Variants in MYRFL observed in about 807,000 individuals in gnomAD.
MYRFL encodes the protein myelin regulatory factor like.
Under a neutral mutation model 109.4 loss-of-function variants are expected in MYRFL, and 88 were observed. That is an observed-to-expected ratio of 0.80 (90% CI 0.68 to 0.96). MYRFL has a LOEUF of 0.96. Ranked by LOEUF, MYRFL falls within the 40% of genes least tolerant of loss-of-function variation. The probability of loss-of-function intolerance (pLI) is 0.00; values close to 1 mark genes in which losing one functional copy is unlikely to be tolerated. For synonymous variants in MYRFL, 324 were observed against 320.9 expected (o/e 1.01, Z -0.10); for missense variants, 957 against 954.9 (o/e 1.00, Z -0.03).
intron 1 of MYRFL, among the ~76,000 whole-genome samples, chr12:69,838,712 A>C (rs1883085336): frequency 6.6e-6 from 1 of 152,246 alleles, no homozygotes; most frequent in Non-Finnish European, 1.5e-5. Flanking sequence ...AAGAAGGCTT[A>C]GCTGTAAAGT....
chr12:69,847,073 A>G (rs1460095050), intron 1 of MYRFL, among the ~76,000 whole-genome samples: 1 of 151,932 alleles, frequency 6.6e-6, no homozygotes, highest in African/African-American at 2.4e-5. Context: ...AATTTGTTTG[A>G]GTTCATAACT....
chr12:69,847,181 G>A (rs1394144430), intron 1 of MYRFL, among the ~76,000 whole-genome samples: 3 of 152,172 alleles, frequency 2.0e-5, no homozygotes, highest in Non-Finnish European at 2.9e-5. Context: ...GGCTTAGTCA[G>A]AGGGCTCTGA....
chr12:69,845,305 G>A (rs754226882), intron 1 of MYRFL, among the ~76,000 whole-genome samples: 21 of 152,124 alleles, frequency 1.4e-4, no homozygotes, highest in Admixed American at 9.2e-4. Context: ...CCAGAACTTT[G>A]TGCAATGCTT....
At chr12:69,827,093 C>T (rs1204213130) in intron 1 of MYRFL, among the ~76,000 whole-genome samples, 2 of 152,046 alleles carry the variant, frequency 1.3e-5, no homozygotes, top group Non-Finnish European at 2.9e-5. Context: ...TGTTTCATGT[C>T]ATGCTCCTAT....
intron 1 of MYRFL, among the ~76,000 whole-genome samples, chr12:69,854,666 G>A (rs1565973051): frequency 6.6e-6 from 1 of 152,186 alleles, no homozygotes; most frequent in South Asian, 2.1e-4. Context: ...GATTACACAC[G>A]TGAGCCACTA....
At chr12:69,862,066 C>T (rs1310387066) in intron 2 of MYRFL, among the ~76,000 whole-genome samples, 5 of 144,968 alleles carry the variant, frequency 3.4e-5, no homozygotes, top group Admixed American at 6.8e-5. Flanking sequence ...TGTAGATATG[C>T]GGCATTATTT....
At chr12:69,954,796 T>G (rs1050257328) in intron 21 of MYRFL, among the ~76,000 whole-genome samples, 4 of 152,160 alleles carry the variant, frequency 2.6e-5, no homozygotes, top group Non-Finnish European at 5.9e-5. Flanking sequence ...TATCCAAGTA[T>G]CTCTCTTAAA....
In MYRFL at chr12:69,908,186, A is replaced by G. The variant is rs115955594; in HGVS notation, c.1384-1783A>G. ...CAATTATTAGCTGAGCACCTACAAC[A>G]TGCAAGGAATTGTATTTGAAACTGG... On this transcript the variant is annotated intron_variant, in intron 11 of 24. Transcript: ENST00000552032. Among the ~76,000 whole-genome samples the G allele has an allele frequency of 3.3e-3, 510 of 152,280 alleles. 3 individuals are homozygous for G. Among genetic ancestry groups the G allele is most frequent in the African/African-American group, 0.012 (483 of 41,552 alleles).
chr12:69,891,636 T>TC (rs1491326977), intron 7 of MYRFL, among the ~76,000 whole-genome samples: 7,000 of 45,038 alleles, frequency 0.16, 603 homozygotes, highest in African/African-American at 0.3. Flanking sequence ...CCTTCCTTTC[T>TC]TTTTCTTTCT....
chr12:69,952,811 C>A lies in MYRFL; in HGVS notation c.2300C>A (p.Thr767Asn). The A allele has an allele frequency of 6.5e-7, 1 of 1,529,782 alleles. No individual in the cohort carries two copies. Among genetic ancestry groups the A allele is most frequent in the Non-Finnish European group, 8.7e-7 (1 of 1,143,046 alleles). The allele number at this position is 1,529,782 out of a possible 1,614,324, so 94.8% of individuals were successfully genotyped here. The change falls in exon 21 of 25, where the codon ACC becomes AAC. Residue 767 changes from threonine to asparagine, a missense_variant. By Grantham distance (65) the Thr-to-Asn change is moderately conservative (BLOSUM62 0). Coordinates refer to ENST00000552032, the MANE Select transcript of MYRFL (RefSeq NM_182530.3). ...PDWESDWIDT[T>N]ISSIQIMEIQ... ...CTTCTCAATTCAGGGATTGATACAA[C>A]CATCAGTTCTATTCAGATTATGGAA...
At chr12:69,837,140 CTT>C (rs1412594238) in intron 1 of MYRFL, among the ~76,000 whole-genome samples, 1 of 152,130 alleles carries the variant, frequency 6.6e-6, no homozygotes, top group Non-Finnish European at 1.5e-5. Context: ...AAGTCCAACA[CTT>C]TTTTCATCTG....
rs549364920 is a variant in MYRFL at position 69,853,363 on chromosome 12, C to T, written c.47-1917C>T. Among the ~76,000 whole-genome samples the T allele has an allele frequency of 2.7e-3, 391 of 144,566 alleles. 5 individuals are homozygous for T. The highest frequency in any genetic ancestry group is 9.3e-3 in the African/African-American group (357 of 38,530). The allele number at this position is 144,566 out of a possible 152,430, so 94.8% of individuals were successfully genotyped here. A position where few individuals can be genotyped will look rare whatever the true frequency, so the allele number is the denominator to read the frequency against. On this transcript the variant is annotated intron_variant, in intron 1 of 24. Transcript: ENST00000552032. The stretch of plus-strand genomic sequence containing the variant: ...GGGGCTCCTCACTTCCCAGATGAAG[C>T]GGCTGCCGGGCGGAGGGGCTCCTCA...
chr12:69,906,787 G>A (rs553785414), intron 11 of MYRFL, among the ~76,000 whole-genome samples: 1 of 152,352 alleles, frequency 6.6e-6, no homozygotes, highest in South Asian at 2.1e-4. Flanking sequence ...TGGCTGGGCT[G>A]TGGGCCATCA....
intron 1 of MYRFL, among the ~76,000 whole-genome samples, chr12:69,841,934 G>A (rs558728856): frequency 2.0e-4 from 31 of 152,176 alleles, no homozygotes; most frequent in Non-Finnish European, 4.1e-4. Flanking sequence ...ACTCCTCTGT[G>A]AGGTAGATGC....
At chr12:69,893,692 A>C in intron 7 of MYRFL, 72 bp from the exon 8 acceptor site, 1 of 976,984 alleles carries the variant, frequency 1.0e-6, no homozygotes, top group Non-Finnish European at 1.4e-6. Context: ...CTTTTTAAGT[A>C]CTTGAACATT....
At position 69,897,155 on chromosome 12, in the gene MYRFL, G is replaced by C. The variant is rs1402334506; in HGVS notation, c.1092-1G>C. 1 of 1,534,192 alleles carries C rather than the reference G, an allele frequency of 6.5e-7. No homozygotes were observed. Among genetic ancestry groups the C allele is most frequent in the Non-Finnish European group, 8.7e-7 (1 of 1,145,300 alleles). On this transcript the variant is annotated splice_acceptor_variant, in intron 9 of 24. Transcript: ENST00000552032. LOFTEE classifies it high-confidence loss of function. ...GCATTGGTCTGCTGTCTCTGAATTA[G>C]ATACTTCATGTTGGTGGTTGGACTG...
At chr12:69,833,300 A>C (rs1160207176) in intron 1 of MYRFL, among the ~76,000 whole-genome samples, 1 of 152,152 alleles carries the variant, frequency 6.6e-6, no homozygotes, top group East Asian at 1.9e-4. Flanking sequence ...TAAACTAGGA[A>C]AGAAAGTGTT....
intron 6 of MYRFL, among the ~76,000 whole-genome samples, chr12:69,887,184 C>T (rs1200478495): frequency 6.6e-6 from 1 of 152,110 alleles, no homozygotes; most frequent in Non-Finnish European, 1.5e-5. Flanking sequence ...ATAGTTCCAC[C>T]TGATTATAAT....
At chr12:69,909,353 G>A (rs1283884099) in intron 11 of MYRFL, among the ~76,000 whole-genome samples, 2 of 152,198 alleles carry the variant, frequency 1.3e-5, no homozygotes, top group Non-Finnish European at 2.9e-5. Flanking sequence ...GGCCATGACA[G>A]TGGTTTTCTT....
Sources: gnomAD v4.1 joint callset for allele counts (sites outside exome capture counted in the v4.1 genomes callset) on GRCh38, gnomAD v4.1.1 for gene constraint, MANE v1.5 for transcripts, NCBI Gene and HGNC (gene_info 2026-07-23, HGNC 2026-07-21) for gene names.